The following CCDC201 variants were observed in gnomAD, a reference collection of about 807,000 sequenced individuals.
CCDC201 encodes the protein coiled-coil domain containing 201.
chr7:45,873,876 A>G (rs1786770239), upstream of CCDC201, among the ~76,000 whole-genome samples: 1 of 151,966 alleles, frequency 6.6e-6, no homozygotes, highest in African/African-American at 2.4e-5. Context: ...ACCCCAAAGC[A>G]AAGTTTTTAG....
upstream of CCDC201, among the ~76,000 whole-genome samples, chr7:45,874,606 C>T (rs116457613): frequency 5.3e-4 from 80 of 152,326 alleles, no homozygotes; most frequent in African/African-American, 1.8e-3. Flanking sequence ...TCTGACTGTC[C>T]GCTTTCAGAA....
upstream of CCDC201, among the ~76,000 whole-genome samples, chr7:45,875,168 A>C (rs915379496): frequency 2.0e-5 from 3 of 152,244 alleles, no homozygotes; most frequent in Non-Finnish European, 2.9e-5. Context: ...GAAAAAAGCT[A>C]TAGAATAGAC....
intron 1 of CCDC201, among the ~76,000 whole-genome samples, chr7:45,871,603 C>T (rs1171462242): frequency 6.6e-6 from 1 of 152,008 alleles, no homozygotes; most frequent in Non-Finnish European, 1.5e-5. Flanking sequence ...ATAAAAACTT[C>T]TACAATAAAA....
At chr7:45,883,395 A>T in the CCDC201 span, among the ~76,000 whole-genome samples, 2 of 152,162 alleles carry the variant, frequency 1.3e-5, no homozygotes, top group African/African-American at 4.8e-5. Flanking sequence ...GGGGCACTGA[A>T]ATCAGGCTGT....
intron 2 of CCDC201, among the ~76,000 whole-genome samples, chr7:45,864,913 G>T (rs992478941): frequency 6.6e-6 from 1 of 152,144 alleles, no homozygotes; most frequent in Non-Finnish European, 1.5e-5. Context: ...GGAAGGAAAA[G>T]TAGGGGAAGG....
chr7:45,860,627 C>T (rs1301668820), exon 3 of CCDC201: 1 of 152,218 alleles, frequency 6.6e-6, no homozygotes. Flanking sequence ...CATAAGCGGG[C>T]AGCACTCATT....
At chr7:45,873,660 G>A (rs115679110), upstream of CCDC201, among the ~76,000 whole-genome samples, 1,928 of 152,286 alleles carry the variant, frequency 0.013, 40 homozygotes, top group African/African-American at 0.044. Context: ...AGGAACCACT[G>A]CACGAATGAA....
upstream of CCDC201, among the ~76,000 whole-genome samples, chr7:45,876,600 T>C (rs1001170308): frequency 3.3e-5 from 5 of 152,244 alleles, no homozygotes; most frequent in Admixed American, 2.6e-4. Flanking sequence ...GAATCTCAGG[T>C]CTCTGTGACC....
At chr7:45,875,583 G>T (rs1034983646), upstream of CCDC201, among the ~76,000 whole-genome samples, 7 of 152,054 alleles carry the variant, frequency 4.6e-5, no homozygotes, top group Non-Finnish European at 1.0e-4. Flanking sequence ...TAATTGTTTC[G>T]CATTTTTTCT....
upstream of CCDC201, among the ~76,000 whole-genome samples, chr7:45,875,439 CAAAAAAAAAAA>C (rs34636507): frequency 9.5e-6 from 1 of 104,932 alleles, no homozygotes; most frequent in Admixed American, 9.7e-5. Context: ...AGGCTTCAGT[CAAAAAAAAAAA>C]AAAAAAAAAG....
At chr7:45,881,500 G>C in the CCDC201 span, among the ~76,000 whole-genome samples, 1 of 152,120 alleles carries the variant, frequency 6.6e-6, no homozygotes, top group Non-Finnish European at 1.5e-5. Context: ...TCTGGGGTTG[G>C]TGTAGGGCCT....
At chr7:45,873,597 G>C (rs925037128), upstream of CCDC201, among the ~76,000 whole-genome samples, 1 of 152,168 alleles carries the variant, frequency 6.6e-6, no homozygotes, top group African/African-American at 2.4e-5. Context: ...GCAGGGACCC[G>C]TGATTGGTAT....
chr7:45,869,716 C>G (rs921567588), intron 1 of CCDC201, among the ~76,000 whole-genome samples: 4 of 152,184 alleles, frequency 2.6e-5, no homozygotes, highest in Non-Finnish European at 5.9e-5. Context: ...CTGCCTGCAC[C>G]ATGTTTCTAT....
At chr7:45,884,308 C>T in the CCDC201 span, among the ~76,000 whole-genome samples, 1 of 152,170 alleles carries the variant, frequency 6.6e-6, no homozygotes, top group Admixed American at 6.5e-5. Flanking sequence ...CTTTGTTACC[C>T]AGGCTGGTCT....
exon 3 of CCDC201, chr7:45,860,388 C>T (rs1786583514): frequency 6.6e-6 from 1 of 152,306 alleles, no homozygotes; most frequent in South Asian, 2.0e-4. Context: ...GATATGATGG[C>T]TTAGCTTGGG....
chr7:45,868,067 G>C (rs970379001), intron 1 of CCDC201, among the ~76,000 whole-genome samples: 3 of 152,228 alleles, frequency 2.0e-5, no homozygotes, highest in African/African-American at 7.2e-5. Flanking sequence ...TATGGGTCAG[G>C]AATTTGGGAG....
At chr7:45,868,325 G>A (rs1174564543) in intron 1 of CCDC201, among the ~76,000 whole-genome samples, 2 of 152,196 alleles carry the variant, frequency 1.3e-5, no homozygotes. Context: ...TAGGCCAAAA[G>A]AGCACAGCAT....
At chr7:45,882,567 A>C in the CCDC201 span, among the ~76,000 whole-genome samples, 3 of 152,246 alleles carry the variant, frequency 2.0e-5, no homozygotes, top group Non-Finnish European at 4.4e-5. Flanking sequence ...TGCAACGGTC[A>C]ACATTTGTTC....
chr7:45,876,966 T>C (rs931586029), upstream of CCDC201, among the ~76,000 whole-genome samples: 2 of 152,250 alleles, frequency 1.3e-5, no homozygotes, highest in Non-Finnish European at 2.9e-5. Context: ...TAGTCAGCCA[T>C]GTTGAAACCC....
Sources: gnomAD v4.1 joint callset for allele counts (sites outside exome capture counted in the v4.1 genomes callset) on GRCh38, gnomAD v4.1.1 for gene constraint, MANE v1.5 for transcripts, NCBI Gene and HGNC (gene_info 2026-07-23, HGNC 2026-07-21) for gene names.